RIPK4: variants seen among roughly 807,000 people sequenced by gnomAD.
The protein encoded by RIPK4 is receptor interacting serine/threonine kinase 4.
In RIPK4, 17 loss-of-function variants were observed where a neutral mutation model predicts 42.9. The ratio of observed to expected loss-of-function variants is 0.40; its 90% CI spans 0.27 to 0.59. The LOEUF (loss-of-function observed/expected upper bound fraction) is 0.59, where lower values mean the gene tolerates loss of function less well. Among genes scored for constraint, RIPK4 ranks in the 20% least tolerant of loss-of-function variants. RIPK4 has a pLI of 0.47. For missense variants in RIPK4, 897 were observed against 1,104.4 expected, an observed-to-expected ratio of 0.81 and a Z score of 2.66; for synonymous variants, 498 against 499.1, an observed-to-expected ratio of 1.00 and a Z score of 0.03.
chr21:41,742,130 TGTTTGAGC>T lies in RIPK4; in HGVS notation c.1196-141_1196-134del. 2.5e-6 allele frequency: 2 copies of T among 795,494 alleles called. No homozygotes were observed. Among genetic ancestry groups the T allele is most frequent in the Admixed American group, 2.5e-5 (1 of 40,702 alleles). 49.3% of individuals were successfully genotyped at this position (795,494 alleles called of 1,614,324 possible). A position where few individuals can be genotyped will look rare whatever the true frequency, so the allele number is the denominator to read the frequency against. The stretch of plus-strand genomic sequence containing the variant: ...AGGCTGCTCGCTGGTCACCCGACTG[TGTTTGAGC>T]GTTGTCTGTGCCTCGTGATTAAGGT... On this transcript the variant is annotated intron_variant, in intron 7 of 7. Transcript: ENST00000332512. This position sits in a 1 kb window ranked among gnomAD's most constrained non-coding sequence, Gnocchi z 5.1.
Position 41,755,096 on chromosome 21 carries a change from G to A in RIPK4, c.474+1429C>T, listed in dbSNP as rs776410663. Among the ~76,000 whole-genome samples, 12 of 152,054 alleles carry A rather than the reference G, an allele frequency of 7.9e-5. No individual in the cohort carries two copies. Among genetic ancestry groups the A allele is most frequent in the South Asian group, 2.1e-4 (1 of 4,826 alleles). ...GCCTGTGCTACCTAGAAACAAGCCCGTAAATGTTGGCGGGAATGGGGGGTC... is the reference window on the plus strand; with the variant it reads ...GCCTGTGCTACCTAGAAACAAGCCCATAAATGTTGGCGGGAATGGGGGGTC... On this transcript the variant is annotated intron_variant, in intron 2 of 7. Transcript: ENST00000332512. The surrounding 1 kb of genome is among the most constrained non-coding windows in gnomAD (Gnocchi z 4.2).
chr21:41,760,046 G>A (rs1179996681), intron 1 of RIPK4, among the ~76,000 whole-genome samples: 6 of 152,156 alleles, frequency 3.9e-5, no homozygotes, highest in Admixed American at 3.9e-4. Context: ...GAGAGATTCT[G>A]GCTGTCACAA....
At chr21:41,763,863 C>T (rs942704800) in intron 1 of RIPK4, among the ~76,000 whole-genome samples, 2 of 152,204 alleles carry the variant, frequency 1.3e-5, no homozygotes, top group Non-Finnish European at 2.9e-5. Context: ...TCTGAGCATC[C>T]CCTTAGCTGG....
intron 1 of RIPK4, among the ~76,000 whole-genome samples, chr21:41,757,998 C>CCAA (rs1479763213): frequency 0.013 from 175 of 13,064 alleles, 22 homozygotes; most frequent in South Asian, 0.1. Flanking sequence ...GACTCCATAA[C>CCAA]AAAAAAAAAA....
chr21:41,747,179 A>G (rs1021955848), intron 4 of RIPK4, among the ~76,000 whole-genome samples: 3 of 152,238 alleles, frequency 2.0e-5, no homozygotes, highest in Admixed American at 6.5e-5. Context: ...ACAGCGTCCT[A>G]CATCCACAGA....
rs931370386 is a variant in RIPK4, at chr21:41,742,335, C to T, written c.1196-338G>A. Among the ~76,000 whole-genome samples, 1 of 152,192 alleles carries T rather than the reference C, an allele frequency of 6.6e-6. No homozygotes were observed. Among genetic ancestry groups the T allele is most frequent in the Non-Finnish European group, 1.5e-5 (1 of 68,040 alleles). ...TCATTAAAGAAAGAAGGAAAAAGGGCACAGACTAAAAAGACCAGGCCAGAG... is the reference window on the plus strand; with the variant it reads ...TCATTAAAGAAAGAAGGAAAAAGGGTACAGACTAAAAAGACCAGGCCAGAG... On this transcript the variant is annotated intron_variant, in intron 7 of 7. Transcript: ENST00000332512. The surrounding 1 kb of genome is among the most constrained non-coding windows in gnomAD (Gnocchi z 5.1).
chr21:41,767,007 G>C lies in RIPK4; in HGVS notation c.35C>G (p.Ala12Gly), dbSNP rs6586239. 0.16 allele frequency: 257,056 copies of C among 1,595,796 alleles called. 21,951 individuals carry two copies. The highest frequency in any genetic ancestry group is 0.19 in the African/African-American group (13,650 of 72,416). ...GCCCGCGTCGAAGGTGCGCAGCAGC[G>C]CCAGGGCCCATGGGGTCCCGCCGTC... Reference protein sequence around the residue: ...EGDGGTPWALALLRTFDAGEF... With the variant: ...EGDGGTPWALGLLRTFDAGEF... Residue 12 changes from alanine (A) to glycine (G), a missense_variant, in exon 1 of 8, where the codon GCG becomes GGG. Physicochemically the swap from Ala to Gly is moderately conservative, Grantham distance 60. Transcript: ENST00000332512. This position sits in a 1 kb window ranked among gnomAD's most constrained non-coding sequence, Gnocchi z 4.0.
At chr21:41,766,555 G>A (rs1711863206) in intron 1 of RIPK4, among the ~76,000 whole-genome samples, 1 of 152,132 alleles carries the variant, frequency 6.6e-6, no homozygotes, top group Admixed American at 6.5e-5. Context: ...ACGACTGGGC[G>A]CCTTAGGACG....
chr21:41,765,067 T>A (rs1569108590), intron 1 of RIPK4, among the ~76,000 whole-genome samples: 1 of 152,146 alleles, frequency 6.6e-6, no homozygotes, highest in Non-Finnish European at 1.5e-5. Flanking sequence ...ACCCAAGAAA[T>A]AAGGGACTGG....
chr21:41,764,456 G>A (rs2061230314), intron 1 of RIPK4, among the ~76,000 whole-genome samples: 1 of 152,116 alleles, frequency 6.6e-6, no homozygotes, highest in South Asian at 2.1e-4. Context: ...GGGTGAGAGG[G>A]GCTGTCCCTC....
chr21:41,747,741 G>A (rs2061176301), intron 4 of RIPK4, among the ~76,000 whole-genome samples: 1 of 152,166 alleles, frequency 6.6e-6, no homozygotes, highest in South Asian at 2.1e-4. Flanking sequence ...AAATAAAATG[G>A]AAGCAAACTG....
intron 6 of RIPK4, among the ~76,000 whole-genome samples, chr21:41,744,650 T>A (rs553702744): frequency 1.3e-5 from 2 of 152,170 alleles, no homozygotes; most frequent in South Asian, 4.2e-4. Context: ...ATGTGAGGCA[T>A]GTATGGCGGG....
chr21:41,765,478 A>T lies in RIPK4; in HGVS notation c.182+1382T>A, dbSNP rs529491075. Among the ~76,000 whole-genome samples the T allele has an allele frequency of 4.4e-4, 67 of 152,338 alleles. 1 individual carries two copies. The highest frequency in any genetic ancestry group is 1.6e-3 in the African/African-American group (66 of 41,576). On this transcript the variant is annotated intron_variant, in intron 1 of 7. Coordinates refer to ENST00000332512, the MANE Select transcript of RIPK4 (RefSeq NM_020639.3). ...GATTTGAGGGTTACGGCAAAAAGCC[A>T]CCACTATCTCTGCTGTGTAGTCTCC...
At chr21:41,752,153 G>A (rs1362030585) in intron 2 of RIPK4, among the ~76,000 whole-genome samples, 2 of 152,214 alleles carry the variant, frequency 1.3e-5, no homozygotes, top group African/African-American at 2.4e-5. Context: ...GAAGACACAA[G>A]TCATCAGCAT....
At chr21:41,759,780 CCCT>C (rs2061215323) in intron 1 of RIPK4, among the ~76,000 whole-genome samples, 1 of 152,172 alleles carries the variant, frequency 6.6e-6, no homozygotes, top group Non-Finnish European at 1.5e-5. Context: ...AGAGTTCAGC[CCCT>C]CCTAGGCTTC....
chr21:41,749,867 CA>C (rs1265759646), intron 3 of RIPK4, among the ~76,000 whole-genome samples: 1 of 125,932 alleles, frequency 7.9e-6, no homozygotes, highest in Non-Finnish European at 1.7e-5. Flanking sequence ...CTGGATACAC[CA>C]AAAAAAGTGC....
intron 1 of RIPK4, among the ~76,000 whole-genome samples, chr21:41,764,493 A>T (rs1443684939): frequency 2.0e-5 from 3 of 152,048 alleles, no homozygotes; most frequent in African/African-American, 7.2e-5. Context: ...ACTTAGGCAG[A>T]AGGGGTACAG....
Position 41,741,312 on chromosome 21 carries a change from G to C in RIPK4, c.1881C>G (p.Cys627Trp), listed in dbSNP as rs1397088606. 2.5e-6 allele frequency: 4 copies of C among 1,608,564 alleles called. No homozygotes were observed. The highest frequency in any genetic ancestry group is 3.4e-6 in the Non-Finnish European group (4 of 1,179,666). ...YRVARILIDL[C>W]SDVNVCSLLA... ...GCAGGCTGCAGACGTTGACGTCGGAGCACAGGTCGATGAGGATGCGGGCCA... is the reference window on the plus strand; with the variant it reads ...GCAGGCTGCAGACGTTGACGTCGGACCACAGGTCGATGAGGATGCGGGCCA... Residue 627 changes from cysteine (C) to tryptophan (W), a missense_variant, in exon 8 of 8, where the codon TGC becomes TGG. Cys to Trp is a radical substitution (Grantham distance 215). Transcript: ENST00000332512.
chr21:41,741,000 G>C lies in RIPK4; in HGVS notation c.2193C>G (p.Phe731Leu), dbSNP rs1340671162. ...GCAGCGCGCTGAGCCCCTGCTCGTC[G>C]AACAGGTCAATGACATCGGCGCTGA... ...ELVSADVIDL[F>L]DEQGLSALHL... The change falls in exon 8 of 8, where the codon TTC (phenylalanine) becomes TTG (leucine). Residue 731 changes from phenylalanine to leucine, a missense_variant. Phe to Leu is a conservative substitution (Grantham distance 22, BLOSUM62 0). Coordinates refer to ENST00000332512, the MANE Select transcript of RIPK4 (RefSeq NM_020639.3). 4 of 1,610,040 alleles carry C rather than the reference G, an allele frequency of 2.5e-6. No individual in the cohort carries two copies. The Admixed American group carries it at 6.7e-5, about 27-fold the overall frequency.
Sources: gnomAD v4.1 joint callset for allele counts (sites outside exome capture counted in the v4.1 genomes callset) on GRCh38, gnomAD v4.1.1 for gene constraint, Gnocchi (gnomAD v3.1) non-coding constraint, MANE v1.5 for transcripts, NCBI Gene and HGNC (gene_info 2026-07-23, HGNC 2026-07-21) for gene names.